RABL3: variants seen among roughly 807,000 people sequenced by gnomAD.
RABL3 encodes the protein rab-like protein 3.
RABL3 carries 31 observed loss-of-function variants against 31.8 expected under a neutral mutation model. That is an observed-to-expected ratio of 0.97 (90% CI 0.73 to 1.31). The LOEUF (loss-of-function observed/expected upper bound fraction) is 1.31, where lower values mean the gene tolerates loss of function less well. Among genes scored for constraint, RABL3 ranks in the 40% most tolerant of loss-of-function variants. The pLI is 0.00. For synonymous variants in RABL3, 97 were observed against 99.9 expected, an observed-to-expected ratio of 0.97 and a Z score of 0.18; for missense variants, 263 against 279.6, an observed-to-expected ratio of 0.94 and a Z score of 0.42.
intron 2 of RABL3, among the ~76,000 whole-genome samples, chr3:120,723,176 G>T (rs1179889746): frequency 4.6e-5 from 7 of 152,274 alleles, no homozygotes; most frequent in South Asian, 4.1e-4. Context: ...ACACCTGTAC[G>T]CAAATAAACT....
chr3:120,690,612 A>T, intron 6 of RABL3, 125 bp from the exon 7 acceptor site: 1 of 629,902 alleles, frequency 1.6e-6, no homozygotes, highest in East Asian at 2.7e-5. Flanking sequence ...AGCAGTAGAC[A>T]TGTAGTACAG....
At chr3:120,725,541 C>T (rs1708807546) in intron 2 of RABL3, among the ~76,000 whole-genome samples, 1 of 152,168 alleles carries the variant, frequency 6.6e-6, no homozygotes, top group African/African-American at 2.4e-5. Context: ...AGACTTGGAA[C>T]CAACCCAAAT....
chr3:120,730,906 A>G (rs1422483910), intron 1 of RABL3, 119 bp from the exon 2 acceptor site: 1 of 696,816 alleles, frequency 1.4e-6, no homozygotes, highest in Non-Finnish European at 2.5e-6. Flanking sequence ...TTAGAATGCC[A>G]TACCAACAAT....
At chr3:120,698,836 T>C (rs1000942541) in intron 4 of RABL3, among the ~76,000 whole-genome samples, 1 of 152,224 alleles carries the variant, frequency 6.6e-6, no homozygotes. Flanking sequence ...TACTGAATAA[T>C]TGAACAACTA....
rs1488553934 is a variant in RABL3 at position 120,724,230 on chromosome 3, T to A, written c.138+6466A>T. Among the ~76,000 whole-genome samples, 9 of 152,204 alleles carry A rather than the reference T, an allele frequency of 5.9e-5. No individual in the cohort carries two copies. In the East Asian group the frequency reaches 1.2e-3, roughly 20 times the overall value. ...TCAAAGAGAATAAAATACCTAGGAA[T>A]CCAACTTACAAGGGATGTGAAGGAC... On this transcript the variant is annotated intron_variant, in intron 2 of 7. Transcript: ENST00000273375.
chr3:120,700,969 A>G (rs191712960), intron 4 of RABL3, among the ~76,000 whole-genome samples: 6 of 152,214 alleles, frequency 3.9e-5, no homozygotes, highest in Admixed American at 3.9e-4. Context: ...AAAAACTCAA[A>G]CTGATATAAA....
chr3:120,689,505 C>G lies in RABL3; in HGVS notation c.*318G>C, dbSNP rs940071887. 8 of 208,228 alleles carry G rather than the reference C, an allele frequency of 3.8e-5. No homozygotes were observed. The highest frequency in any genetic ancestry group is 6.7e-5 in the Non-Finnish European group (7 of 104,694). The allele number at this position is 208,228 out of a possible 1,614,324, so 12.9% of individuals were successfully genotyped here. A position where few individuals can be genotyped will look rare whatever the true frequency, so the allele number is the denominator to read the frequency against. The stretch of plus-strand genomic sequence containing the variant: ...ACAGACCCATAAAAACCCTCCAGTT[C>G]TAGGCAAGAGTAAATTTTCTCTGCA... On this transcript the variant is annotated 3_prime_UTR_variant, in exon 8 of 8. Coordinates refer to ENST00000273375, the MANE Select transcript of RABL3 (RefSeq NM_173825.5).
chr3:120,725,657 T>C (rs1708809696), intron 2 of RABL3, among the ~76,000 whole-genome samples: 1 of 152,142 alleles, frequency 6.6e-6, no homozygotes, highest in South Asian at 2.1e-4. Context: ...GGGACATGGA[T>C]GAAGCTGGAA....
chr3:120,714,230 C>T lies in RABL3; in HGVS notation c.139-4321G>A, dbSNP rs558221721. Among the ~76,000 whole-genome samples, 3 of 152,228 alleles carry T rather than the reference C, an allele frequency of 2.0e-5. No homozygotes were observed. In the South Asian group the frequency reaches 6.2e-4, roughly 32 times the overall value. ...GGTTTAGTATTTGTACCTGCAGAAT[C>T]ATTATTAAAGAGAGGAAGGGAGGTA... On this transcript the variant is annotated intron_variant, in intron 2 of 7. Transcript: ENST00000273375.
chr3:120,706,185 G>A, intron 3 of RABL3, 71 bp from the exon 4 acceptor site: 1 of 973,088 alleles, frequency 1.0e-6, no homozygotes, highest in Non-Finnish European at 1.6e-6. Context: ...GCCAAATGAA[G>A]CTTAGTAAAC....
At chr3:120,714,054 C>T (rs1708640975) in intron 2 of RABL3, among the ~76,000 whole-genome samples, 1 of 152,206 alleles carries the variant, frequency 6.6e-6, no homozygotes, top group Non-Finnish European at 1.5e-5. Context: ...TTGTGATCCG[C>T]CTGCCTTGGC....
At chr3:120,737,369 T>A (rs1194349140) in intron 1 of RABL3, among the ~76,000 whole-genome samples, 1 of 152,256 alleles carries the variant, frequency 6.6e-6, no homozygotes, top group East Asian at 1.9e-4. Flanking sequence ...GGTTTTCAGC[T>A]CCAACAGGTC....
At chr3:120,740,548 C>T (rs1184293230) in intron 1 of RABL3, among the ~76,000 whole-genome samples, 1 of 152,194 alleles carries the variant, frequency 6.6e-6, no homozygotes, top group Non-Finnish European at 1.5e-5. Flanking sequence ...AGGCTAGAGC[C>T]ACCTTGTCTG....
At chr3:120,706,496 T>C (rs1364089000) in intron 3 of RABL3, among the ~76,000 whole-genome samples, 2 of 151,954 alleles carry the variant, frequency 1.3e-5, no homozygotes, top group African/African-American at 4.8e-5. Context: ...CAAAAAGTTA[T>C]GTTGTTTCTT....
intron 2 of RABL3, among the ~76,000 whole-genome samples, chr3:120,714,242 G>T (rs1330060097): frequency 6.6e-6 from 1 of 152,242 alleles, no homozygotes; most frequent in African/African-American, 2.4e-5. Context: ...TTATTAAAGA[G>T]AGGAAGGGAG....
chr3:120,726,221 G>A (rs971890150), intron 2 of RABL3, among the ~76,000 whole-genome samples: 1 of 152,116 alleles, frequency 6.6e-6, no homozygotes, highest in East Asian at 1.9e-4. Flanking sequence ...CCAAGGTAAG[G>A]TGCATTTTAT....
At chr3:120,714,526 C>T (rs574044324) in intron 2 of RABL3, among the ~76,000 whole-genome samples, 1 of 152,138 alleles carries the variant, frequency 6.6e-6, no homozygotes, top group Admixed American at 6.5e-5. Context: ...AAAAAAAAGC[C>T]CTTCACTTTC....
chr3:120,737,358 T>C (rs947914626), intron 1 of RABL3, among the ~76,000 whole-genome samples: 1 of 152,270 alleles, frequency 6.6e-6, no homozygotes, highest in Admixed American at 6.5e-5. Context: ...TCTTGTGCCA[T>C]GGTTTTCAGC....
chr3:120,731,782 T>A (rs929787974), intron 1 of RABL3, among the ~76,000 whole-genome samples: 22 of 152,328 alleles, frequency 1.4e-4, no homozygotes, highest in Non-Finnish European at 2.9e-4. Context: ...CCAGGCACGG[T>A]GGCTCACGTC....
Sources: gnomAD v4.1 joint callset for allele counts (sites outside exome capture counted in the v4.1 genomes callset) on GRCh38, gnomAD v4.1.1 for gene constraint, MANE v1.5 for transcripts, NCBI Gene and HGNC (gene_info 2026-07-23, HGNC 2026-07-21) for gene names.